CPQ: variants seen among roughly 807,000 people sequenced by gnomAD.
CPQ encodes Ser-Met dipeptidase.
In CPQ, 37 loss-of-function variants were observed where a neutral mutation model predicts 45.7. The ratio of observed to expected loss-of-function variants is 0.81; its 90% CI spans 0.62 to 1.07. The LOEUF is 1.07. CPQ is among the 50% of genes least tolerant of loss of function. The pLI, the probability that CPQ is intolerant of heterozygous loss-of-function variation, is 0.00. For missense variants in CPQ, 537 were observed against 572.9 expected (o/e 0.94, Z 0.64); for synonymous variants, 186 against 205.8 (o/e 0.90, Z 0.82).
chr8:96,925,225 A>G (rs754121670), intron 4 of CPQ, among the ~76,000 whole-genome samples: 1 of 152,198 alleles, frequency 6.6e-6, no homozygotes, highest in African/African-American at 2.4e-5. Flanking sequence ...CCCTGGCATA[A>G]TTTCTCCTTC....
intron 1 of CPQ, chr8:96,761,135 G>A (rs1810399367): frequency 6.6e-6 from 1 of 152,122 alleles, no homozygotes; most frequent in Non-Finnish European, 1.5e-5. Context: ...TGGAAGTGGT[G>A]GGTGACAAGC....
intron 7 of CPQ, among the ~76,000 whole-genome samples, chr8:97,137,319 G>C (rs1385508979): frequency 2.0e-5 from 3 of 152,148 alleles, no homozygotes; most frequent in Non-Finnish European, 4.4e-5. Flanking sequence ...AAGAAGCTCT[G>C]ACTGGGAAGG....
chr8:97,061,666 G>GTGTC (rs1810555104), intron 6 of CPQ, among the ~76,000 whole-genome samples: 1 of 152,136 alleles, frequency 6.6e-6, no homozygotes, highest in Non-Finnish European at 1.5e-5. Context: ...GTTACACATA[G>GTGTC]TGTCTGGCTC....
intron 1 of CPQ, among the ~76,000 whole-genome samples, chr8:96,677,496 C>A (rs1809090773): frequency 6.6e-6 from 1 of 151,546 alleles, no homozygotes; most frequent in South Asian, 2.1e-4. Flanking sequence ...TCTATATGTC[C>A]TTTGTGCACT....
At chr8:96,907,803 A>G (rs553507937) in intron 4 of CPQ, among the ~76,000 whole-genome samples, 1 of 152,208 alleles carries the variant, frequency 6.6e-6, no homozygotes, top group South Asian at 2.1e-4. Flanking sequence ...AGGTCATGAG[A>G]AAAGACTTGT....
chr8:97,060,713 T>C (rs1810536246), intron 6 of CPQ, among the ~76,000 whole-genome samples: 1 of 152,178 alleles, frequency 6.6e-6, no homozygotes, highest in Non-Finnish European at 1.5e-5. Context: ...AGGATGAATA[T>C]CTTGTTACAT....
chr8:96,885,543 T>TA (rs1812292609), intron 4 of CPQ, among the ~76,000 whole-genome samples: 2 of 152,196 alleles, frequency 1.3e-5, no homozygotes, highest in Admixed American at 1.3e-4. Context: ...AGTTAGCATG[T>TA]AAATAATCCT....
chr8:96,845,982 G>A (rs1238839204), intron 3 of CPQ, among the ~76,000 whole-genome samples: 1 of 151,952 alleles, frequency 6.6e-6, no homozygotes, highest in Non-Finnish European at 1.5e-5. Flanking sequence ...ACCACACCTG[G>A]CTATTTTGTA....
rs190525681 is a variant in CPQ, at chr8:96,662,598, A to T, written c.-35+17196A>T. 9.4e-4 allele frequency among the ~76,000 whole-genome samples: 143 copies of T among 152,362 alleles called. 1 individual carries two copies. Among genetic ancestry groups the T allele is most frequent in the African/African-American group, 3.2e-3 (135 of 41,582 alleles). On this transcript the variant is annotated intron_variant, in intron 1 of 7. Transcript: ENST00000220763. Reference sequence around the variant, plus strand: ...TTATTTTCCTGGGCCAATGAATAACAGAAACAATTCTCAAAATAATTAAAT... The same window carrying T: ...TTATTTTCCTGGGCCAATGAATAACTGAAACAATTCTCAAAATAATTAAAT...
chr8:96,963,850 A>G (rs906981916), intron 4 of CPQ, among the ~76,000 whole-genome samples: 1 of 152,056 alleles, frequency 6.6e-6, no homozygotes, highest in African/African-American at 2.4e-5. Flanking sequence ...CCTCCTCACC[A>G]AGAGTAATCA....
At chr8:97,068,654 A>C (rs937751851) in intron 7 of CPQ, among the ~76,000 whole-genome samples, 1 of 152,168 alleles carries the variant, frequency 6.6e-6, no homozygotes, top group Admixed American at 6.5e-5. Context: ...AACAAACAAA[A>C]AAGAATTAAT....
chr8:96,670,022 C>T (rs1254438467), intron 1 of CPQ, among the ~76,000 whole-genome samples: 5 of 152,172 alleles, frequency 3.3e-5, no homozygotes, highest in African/African-American at 1.2e-4. Flanking sequence ...TAACTTTGAA[C>T]TCATTGCCAA....
intron 4 of CPQ, among the ~76,000 whole-genome samples, chr8:96,914,498 G>A (rs181143403): frequency 6.6e-6 from 1 of 152,270 alleles, no homozygotes. Flanking sequence ...ACAGGTTTAG[G>A]AAATATAATT....
intron 1 of CPQ, among the ~76,000 whole-genome samples, chr8:96,737,972 C>A (rs1358198973): frequency 6.6e-6 from 1 of 152,002 alleles, no homozygotes; most frequent in Non-Finnish European, 1.5e-5. Flanking sequence ...TTTTATTCTT[C>A]TATAGCCCAT....
chr8:96,865,686 G>A (rs1057435600), intron 3 of CPQ, among the ~76,000 whole-genome samples: 3 of 152,006 alleles, frequency 2.0e-5, no homozygotes, highest in Admixed American at 1.3e-4. Flanking sequence ...AAATAGACCC[G>A]TGGGGTTTGA....
chr8:96,857,445 C>G (rs1396631013), intron 3 of CPQ, among the ~76,000 whole-genome samples: 1 of 152,118 alleles, frequency 6.6e-6, no homozygotes, highest in African/African-American at 2.4e-5. Context: ...CTTTGTTTGC[C>G]CTTAAGCAGT....
Position 96,785,048 on chromosome 8 carries a change from A to G in CPQ, c.151A>G (p.Ile51Val). 6.2e-7 allele frequency: 1 copy of G among 1,613,928 alleles called. No homozygotes were observed. The highest frequency in any genetic ancestry group is 8.5e-7 in the Non-Finnish European group (1 of 1,179,866). ...ASCGDVAKAI[I>V]NLAVYGKAQN... ...CTGTGGAGATGTTGCTAAAGCAATC[A>G]TCAACCTAGCTGTTTATGGTAAAGC... is the stretch of plus-strand genomic sequence containing the variant. Residue 51 changes from isoleucine (I) to valine (V), a missense_variant, in exon 2 of 8, where the codon ATC (isoleucine) becomes GTC (valine). Ile to Val is a conservative substitution (Grantham distance 29). Transcript: ENST00000220763.
At chr8:96,701,564 A>T (rs927834927) in intron 1 of CPQ, among the ~76,000 whole-genome samples, 1 of 151,668 alleles carries the variant, frequency 6.6e-6, no homozygotes, top group African/African-American at 2.4e-5. Flanking sequence ...CTGGAAGCGC[A>T]TACTAGAAAA....
At chr8:96,795,063 T>A in intron 2 of CPQ, among the ~76,000 whole-genome samples, 1 of 152,220 alleles carries the variant, frequency 6.6e-6, no homozygotes, top group East Asian at 1.9e-4. Flanking sequence ...CCAAAGTTGC[T>A]TCCACATTTT....
Sources: gnomAD v4.1 joint callset for allele counts (sites outside exome capture counted in the v4.1 genomes callset) on GRCh38, gnomAD v4.1.1 for gene constraint, MANE v1.5 for transcripts, NCBI Gene and HGNC (gene_info 2026-07-23, HGNC 2026-07-21) for gene names.